MKX: variants seen among roughly 807,000 people sequenced by gnomAD.
MKX encodes the protein mohawk homeobox.
MKX carries 13 observed loss-of-function variants against 36.0 expected under a neutral mutation model. The ratio of observed to expected loss-of-function variants is 0.36; its 90% confidence interval spans 0.24 to 0.57. MKX has a LOEUF of 0.57. Among genes scored for constraint, MKX ranks in the 20% least tolerant of loss-of-function variants. The pLI is 0.79. For synonymous variants in MKX, 176 were observed against 178.3 expected (o/e 0.99, Z 0.10); for missense variants, 458 against 456.4 (o/e 1.00, Z -0.03).
intron 3 of MKX, among the ~76,000 whole-genome samples, chr10:27,738,548 C>T (rs1358277174): frequency 1.3e-5 from 2 of 151,804 alleles, no homozygotes; most frequent in Non-Finnish European, 2.9e-5. Context: ...GATGTTTGGG[C>T]CTCTAAGCTT....
intron 5 of MKX, among the ~76,000 whole-genome samples, chr10:27,726,231 G>A (rs1834485839): frequency 1.3e-5 from 2 of 152,138 alleles, no homozygotes; most frequent in African/African-American, 4.8e-5. Context: ...AGAAATGTAT[G>A]GGATCTTTGC....
At chr10:27,711,496 TTCTTTCCTTCCTTCCTTCCTTC>T (rs1836865951) in intron 5 of MKX, among the ~76,000 whole-genome samples, 2 of 89,706 alleles carry the variant, frequency 2.2e-5, no homozygotes, top group South Asian at 4.5e-4. Flanking sequence ...TCTCTCTCTC[TTCTTTCCTTCCTTCCTTCCTTC>T]CTTCCTTCCT....
At chr10:27,682,306 A>T (rs1008154009) in intron 5 of MKX, among the ~76,000 whole-genome samples, 3 of 152,244 alleles carry the variant, frequency 2.0e-5, no homozygotes, top group Non-Finnish European at 4.4e-5. Context: ...TAAAAAGCGT[A>T]TAAAGTAAAA....
intron 5 of MKX, among the ~76,000 whole-genome samples, chr10:27,688,134 A>C (rs1423869906): frequency 1.3e-5 from 2 of 152,060 alleles, no homozygotes; most frequent in East Asian, 3.9e-4. Flanking sequence ...ATTTTATAAA[A>C]CACTTAGAAG....
chr10:27,734,542 G>C lies in MKX; in HGVS notation c.752C>G (p.Ser251Trp). 6.2e-7 allele frequency: 1 copy of C among 1,614,164 alleles called. No homozygotes were observed. The highest frequency in any genetic ancestry group is 1.1e-5 in the South Asian group (1 of 91,082). ...AAATTCATTGGAGCTAAAAGATCCC[G>C]AGTGGTTTCTTTGCCTTGTTTTTCC... ...MMGKTRQRNH[S>W]GSFSSNEFEE... The change falls in exon 5 of 7, where the codon TCG becomes TGG. Residue 251 changes from serine (S) to tryptophan (W), a missense_variant. Around this residue, in one of 3 missense-constraint regions of MKX, gnomAD observed 297 missense variants for 304.4 expected, o/e 0.98. Transcript: ENST00000419761.
intron 5 of MKX, among the ~76,000 whole-genome samples, chr10:27,676,877 C>T (rs1453385793): frequency 1.3e-5 from 2 of 152,186 alleles, no homozygotes; most frequent in Admixed American, 6.5e-5. Context: ...CTAGCTTTTG[C>T]TTCTGCACTC....
rs1391707471 is a variant in MKX at position 27,741,168 on chromosome 10, G to A, written c.348+177C>T. 6.6e-5 allele frequency among the ~76,000 whole-genome samples: 10 copies of A among 152,136 alleles called. No homozygotes were observed. The highest frequency in any genetic ancestry group is 5.9e-4 in the Admixed American group (9 of 15,284). ...GCGCATCCTGCATTCTTTCCTGCAC[G>A]GAGCATCTGCACTGAACTGAGGGAT... On this transcript the variant is annotated intron_variant, in intron 3 of 6. Transcript: ENST00000419761. The surrounding 1 kb of genome is among the most constrained non-coding windows in gnomAD (Gnocchi z 5.1).
At chr10:27,740,971 C>G (rs751740610) in intron 3 of MKX, among the ~76,000 whole-genome samples, 1 of 152,166 alleles carries the variant, frequency 6.6e-6, no homozygotes, top group Non-Finnish European at 1.5e-5. Flanking sequence ...TCAGTAACAC[C>G]TGGGGCCTTG....
intron 5 of MKX, among the ~76,000 whole-genome samples, chr10:27,702,629 A>C (rs1373929054): frequency 6.6e-6 from 1 of 152,204 alleles, no homozygotes; most frequent in Non-Finnish European, 1.5e-5. Context: ...CCACTGTCCT[A>C]TCTCTAAACA....
intron 5 of MKX, among the ~76,000 whole-genome samples, chr10:27,724,756 TACACACACACACAC>T (rs55968845): frequency 7.1e-6 from 1 of 141,400 alleles, no homozygotes; most frequent in Non-Finnish European, 1.5e-5. Context: ...TACTACTACC[TACACACACACACAC>T]ACACACACAC....
chr10:27,685,827 A>C (rs1000009169), intron 5 of MKX, among the ~76,000 whole-genome samples: 1 of 152,182 alleles, frequency 6.6e-6, no homozygotes, highest in Non-Finnish European at 1.5e-5. Context: ...ACTGCTAAAC[A>C]GTTCCTAGGC....
chr10:27,700,332 A>C (rs1017215105), intron 5 of MKX, among the ~76,000 whole-genome samples: 1 of 152,222 alleles, frequency 6.6e-6, no homozygotes, highest in African/African-American at 2.4e-5. Context: ...CACTTAAACA[A>C]AATAACTTTC....
chr10:27,696,986 C>G (rs1836566219), intron 5 of MKX, among the ~76,000 whole-genome samples: 1 of 152,208 alleles, frequency 6.6e-6, no homozygotes, highest in Admixed American at 6.5e-5. Context: ...CAACTTTTCA[C>G]AAAGTAACCA....
intron 3 of MKX, among the ~76,000 whole-genome samples, chr10:27,737,662 AAG>A (rs1226480434): frequency 6.6e-6 from 1 of 152,104 alleles, no homozygotes; most frequent in African/African-American, 2.4e-5. Flanking sequence ...TGTCTCCAGC[AAG>A]AGTGTTTTTG....
intron 5 of MKX, among the ~76,000 whole-genome samples, chr10:27,687,870 C>G (rs1379089655): frequency 6.6e-6 from 1 of 152,164 alleles, no homozygotes; most frequent in East Asian, 1.9e-4. Flanking sequence ...GTTAAGTATT[C>G]TCGTTTCTAT....
chr10:27,707,398 T>C (rs1836776303), intron 5 of MKX, among the ~76,000 whole-genome samples: 2 of 152,218 alleles, frequency 1.3e-5, no homozygotes, highest in African/African-American at 4.8e-5. Flanking sequence ...TCATGGGTCC[T>C]GGGCACCATG....
chr10:27,689,360 A>G (rs928459154), intron 5 of MKX, among the ~76,000 whole-genome samples: 1 of 152,214 alleles, frequency 6.6e-6, no homozygotes, highest in Non-Finnish European at 1.5e-5. Context: ...TTTCTTCTAC[A>G]TTTTAAATAT....
rs998191490 is a variant in MKX at position 27,743,468 on chromosome 10, C to A, written c.-53G>T. 1.1e-5 allele frequency: 16 copies of A among 1,461,846 alleles called. No homozygotes were observed. In the African/African-American group the frequency reaches 2.4e-4, roughly 22 times the overall value. 90.6% of individuals were successfully genotyped at this position (1,461,846 alleles called of 1,614,324 possible). A position where few individuals can be genotyped will look rare whatever the true frequency, so the allele number is the denominator to read the frequency against. ...CGGCCGCAGAGCCTCGGGGCTGGGC[C>A]GCCGGGAGCTCCGCAGCGGGGCTCG... is the stretch of plus-strand genomic sequence containing the variant. On this transcript the variant is annotated 5_prime_UTR_variant, in exon 2 of 7. Transcript: ENST00000419761.
chr10:27,711,487 C>T (rs865839698), intron 5 of MKX, among the ~76,000 whole-genome samples: 1,214 of 55,038 alleles, frequency 0.022, 64 homozygotes, highest in African/African-American at 0.09. Context: ...TTCTTTCTCT[C>T]TCTCTCTCTT....
Sources: gnomAD v4.1 joint callset for allele counts (sites outside exome capture counted in the v4.1 genomes callset) on GRCh38, gnomAD v4.1.1 for gene constraint, gnomAD v4.1.1 regional missense constraint, Gnocchi (gnomAD v3.1) non-coding constraint, MANE v1.5 for transcripts, NCBI Gene and HGNC (gene_info 2026-07-23, HGNC 2026-07-21) for gene names.